KIF13B: variants seen among roughly 807,000 people sequenced by gnomAD.
The protein encoded by KIF13B is kinesin-like protein KIF13B.
In KIF13B, 127 loss-of-function variants were observed where a neutral mutation model predicts 222.0. The ratio of observed to expected loss-of-function variants is 0.57; its 90% confidence interval spans 0.50 to 0.66. The LOEUF is 0.66. Among genes scored for constraint, KIF13B ranks in the 30% least tolerant of loss-of-function variants. The pLI, the probability that KIF13B is intolerant of heterozygous loss-of-function variation, is 0.00. For missense variants in KIF13B, 2,173 were observed against 2,379.0 expected (o/e 0.91, Z 1.80); for synonymous variants, 976 against 919.0 (o/e 1.06, Z -1.12).
intron 2 of KIF13B, among the ~76,000 whole-genome samples, chr8:29,199,209 A>T (rs1238642691): frequency 6.6e-6 from 1 of 152,194 alleles, no homozygotes; most frequent in African/African-American, 2.4e-5. Flanking sequence ...CATCAATTGC[A>T]GGTGGCTTTG....
chr8:29,218,721 T>C (rs1374363318), intron 2 of KIF13B, among the ~76,000 whole-genome samples: 1 of 152,220 alleles, frequency 6.6e-6, no homozygotes, highest in Non-Finnish European at 1.5e-5. Context: ...TCATGGATTA[T>C]ATAAAGCAAA....
chr8:29,254,741 C>T (rs1816410580), intron 1 of KIF13B, among the ~76,000 whole-genome samples: 1 of 152,178 alleles, frequency 6.6e-6, no homozygotes, highest in Non-Finnish European at 1.5e-5. Flanking sequence ...AAAACAGTTC[C>T]TCAAAAGTTA....
intron 2 of KIF13B, among the ~76,000 whole-genome samples, chr8:29,199,452 C>G (rs1023252230): frequency 2.0e-5 from 3 of 151,756 alleles, no homozygotes; most frequent in Admixed American, 2.0e-4. Context: ...CATCCCTGAT[C>G]TGAAAATCCA....
intron 15 of KIF13B, among the ~76,000 whole-genome samples, chr8:29,149,137 T>G (rs1811189392): frequency 6.6e-6 from 1 of 152,164 alleles, no homozygotes; most frequent in Non-Finnish European, 1.5e-5. Flanking sequence ...AAAATGGAAA[T>G]GTTCATATTC....
chr8:29,152,888 TTTAAG>T (rs1811363397), intron 14 of KIF13B, among the ~76,000 whole-genome samples: 1 of 152,212 alleles, frequency 6.6e-6, no homozygotes. Flanking sequence ...GCAAAGTATT[TTTAAG>T]TTAAGGAATA....
intron 6 of KIF13B, among the ~76,000 whole-genome samples, 200 bp from the exon 7 acceptor site, chr8:29,182,206 C>T (rs1250531996): frequency 2.0e-5 from 3 of 152,200 alleles, no homozygotes; most frequent in Admixed American, 1.3e-4. Context: ...TTAAATATCA[C>T]ATCACTCAAA....
In KIF13B at chr8:29,122,945, A is replaced by G. The variant is rs540317163; in HGVS notation, c.3480-299T>C. 2.6e-5 allele frequency among the ~76,000 whole-genome samples: 4 copies of G among 152,340 alleles called. No homozygotes were observed. In the South Asian group the frequency reaches 8.3e-4, roughly 32 times the overall value. ...TTAAGGGCTTCCTCTGGCTAAATTT[A>G]CTATTTTTAATTTCTATAACGTAGC... On this transcript the variant is annotated intron_variant, in intron 28 of 39. Coordinates refer to ENST00000524189, the MANE Select transcript of KIF13B (RefSeq NM_015254.4).
At chr8:29,121,251 A>G (rs1328795604) in intron 29 of KIF13B, among the ~76,000 whole-genome samples, 50 of 65,330 alleles carry the variant, frequency 7.7e-4, no homozygotes, top group African/African-American at 3.0e-3. Flanking sequence ...TTGCCAAGTC[A>G]ATCCTAAGCC....
At position 29,132,307 on chromosome 8, in the gene KIF13B, C is replaced by A; in HGVS notation, c.2942+1G>T. 6.7e-7 allele frequency: 1 copy of A among 1,489,444 alleles called. No homozygotes were observed. The highest frequency in any genetic ancestry group is 8.9e-7 in the Non-Finnish European group (1 of 1,118,546). The allele number at this position is 1,489,444 out of a possible 1,614,324, so 92.3% of individuals were successfully genotyped here. A position where few individuals can be genotyped will look rare whatever the true frequency, so the allele number is the denominator to read the frequency against. On this transcript the variant is annotated splice_donor_variant, in intron 23 of 39. Transcript: ENST00000524189. LOFTEE classifies it high-confidence loss of function. ...GAATCAGATGAACATCTAATATTCA[C>A]CTGTCCCGAAGACTACGTGTCTTTG...
At chr8:29,157,722 A>T (rs1325299044) in intron 13 of KIF13B, among the ~76,000 whole-genome samples, 1 of 151,712 alleles carries the variant, frequency 6.6e-6, no homozygotes, top group Non-Finnish European at 1.5e-5. Flanking sequence ...AAATAAATAA[A>T]TATAAAAATG....
At chr8:29,105,543 C>G (rs1809014697) in intron 35 of KIF13B, among the ~76,000 whole-genome samples, 1 of 151,616 alleles carries the variant, frequency 6.6e-6, no homozygotes. Flanking sequence ...CTCCTTTGTC[C>G]TATTTTTCTG....
intron 2 of KIF13B, 52 bp from the exon 3 acceptor site, chr8:29,196,251 A>T (rs1813416890): frequency 6.7e-7 from 1 of 1,498,356 alleles, no homozygotes; most frequent in African/African-American, 1.4e-5. Context: ...AGTTAAAAAA[A>T]AAAAAAAAAT....
intron 35 of KIF13B, among the ~76,000 whole-genome samples, chr8:29,104,138 T>C (rs534064932): frequency 1.3e-5 from 2 of 152,122 alleles, no homozygotes; most frequent in Admixed American, 1.3e-4. Context: ...TGGCCCTAAG[T>C]GTCACCACTG....
At position 29,222,513 on chromosome 8, in the gene KIF13B, GACTTTTTTTTTTTTTTTT is replaced by G. The variant is rs1239071043; in HGVS notation, c.149+22815_149+22832del. 9.5e-3 allele frequency among the ~76,000 whole-genome samples: 909 copies of G among 95,746 alleles called. 37 individuals are homozygous for G. The highest frequency in any genetic ancestry group is 0.058 in the Admixed American group (439 of 7,602). The allele number at this position is 95,746 out of a possible 152,430, so 62.8% of individuals were successfully genotyped here. ...ACTCCTGAGCTCAAGTCCCACACCT[GACTTTTTTTTTTTTTTTT>G]TTTTTTTTTTTTTTTTTTTTTTTTG... On this transcript the variant is annotated intron_variant, in intron 2 of 39. Transcript: ENST00000524189.
intron 3 of KIF13B, among the ~76,000 whole-genome samples, chr8:29,191,377 T>C (rs1813179355): frequency 6.6e-6 from 1 of 152,202 alleles, no homozygotes; most frequent in Non-Finnish European, 1.5e-5. Flanking sequence ...TGTTTTTATA[T>C]TTTTTCAATA....
At chr8:29,229,473 T>A (rs1318173107) in intron 2 of KIF13B, among the ~76,000 whole-genome samples, 1 of 152,210 alleles carries the variant, frequency 6.6e-6, no homozygotes, top group East Asian at 1.9e-4. Context: ...TCATGAGAAC[T>A]TATACTCTTG....
chr8:29,199,247 G>T (rs1007959739), intron 2 of KIF13B, among the ~76,000 whole-genome samples: 4 of 152,074 alleles, frequency 2.6e-5, no homozygotes, highest in African/African-American at 9.7e-5. Flanking sequence ...GGTAAGAAGA[G>T]AATTCAACAT....
At chr8:29,261,659 G>C (rs1304444167) in intron 1 of KIF13B, among the ~76,000 whole-genome samples, 1 of 152,106 alleles carries the variant, frequency 6.6e-6, no homozygotes, top group Admixed American at 6.5e-5. Context: ...ATTGTGTGTT[G>C]TCAGAGCACG....
intron 2 of KIF13B, among the ~76,000 whole-genome samples, chr8:29,226,302 T>G (rs930786477): frequency 1.3e-5 from 2 of 152,242 alleles, no homozygotes; most frequent in Non-Finnish European, 2.9e-5. Flanking sequence ...CTTCACATTA[T>G]AGATGGAATT....
Sources: allele counts gnomAD v4.1 joint callset (sites outside exome capture counted in the v4.1 genomes callset), GRCh38; gene constraint gnomAD v4.1.1; transcripts MANE v1.5; gene names NCBI Gene and HGNC (gene_info 2026-07-23, HGNC 2026-07-21).